The following DLGAP1 variants were observed in gnomAD, a reference collection of about 807,000 sequenced individuals.
DLGAP1 encodes the protein DLG associated protein 1, also known as disks large-associated protein 1.
Under a neutral mutation model 90.8 loss-of-function variants are expected in DLGAP1, and 11 were observed. That is an observed-to-expected ratio of 0.12 (90% CI 0.08 to 0.20). DLGAP1 has a LOEUF of 0.20. Among genes scored for constraint, DLGAP1 ranks in the 10% least tolerant of loss-of-function variants. The pLI is 1.00. For missense variants in DLGAP1, 1,050 were observed against 1,333.8 expected (o/e 0.79, Z 3.31); for synonymous variants, 558 against 540.7 (o/e 1.03, Z -0.44).
intron 3 of DLGAP1, among the ~76,000 whole-genome samples, chr18:3,916,725 C>T (rs1413749193): frequency 6.6e-6 from 1 of 152,126 alleles, no homozygotes. Flanking sequence ...AACCATTAGG[C>T]TTCACCGCCT....
At chr18:3,704,089 A>G (rs1188870282) in intron 7 of DLGAP1, among the ~76,000 whole-genome samples, 5 of 152,250 alleles carry the variant, frequency 3.3e-5, no homozygotes, top group African/African-American at 1.2e-4. Context: ...CAGAAAGGAC[A>G]CAGCAGCTGA....
At chr18:4,406,548 A>G (rs1365643245) in intron 1 of DLGAP1, among the ~76,000 whole-genome samples, 4 of 152,220 alleles carry the variant, frequency 2.6e-5, no homozygotes, top group Non-Finnish European at 5.9e-5. Flanking sequence ...TGAGGTTAAC[A>G]GAGGTTTGTG....
At chr18:3,635,958 G>C (rs2058699698) in intron 7 of DLGAP1, among the ~76,000 whole-genome samples, 1 of 151,378 alleles carries the variant, frequency 6.6e-6, no homozygotes, top group South Asian at 2.1e-4. Flanking sequence ...TCATTCACTG[G>C]CTTAAAGATC....
At chr18:4,299,097 A>AC (rs2080060829) in intron 1 of DLGAP1, among the ~76,000 whole-genome samples, 1 of 151,458 alleles carries the variant, frequency 6.6e-6, no homozygotes, top group South Asian at 2.1e-4. Flanking sequence ...AAAAAAAAAA[A>AC]AAAAAAAAAA....
At chr18:4,321,535 C>T (rs780062617) in intron 1 of DLGAP1, among the ~76,000 whole-genome samples, 20 of 152,170 alleles carry the variant, frequency 1.3e-4, no homozygotes, top group Non-Finnish European at 2.8e-4. Flanking sequence ...CCCCACAGAT[C>T]CTATTCACAT....
At chr18:4,369,534 C>A (rs1183166981) in intron 1 of DLGAP1, among the ~76,000 whole-genome samples, 1 of 151,850 alleles carries the variant, frequency 6.6e-6, no homozygotes, top group Non-Finnish European at 1.5e-5. Context: ...ATCTAAGGAC[C>A]TTGTCTTATT....
In DLGAP1 at chr18:3,535,433, C is replaced by T. The variant is rs1022783820; in HGVS notation, c.2058-818G>A. Among the ~76,000 whole-genome samples the T allele has an allele frequency of 7.9e-5, 12 of 152,236 alleles. No individual in the cohort carries two copies. In the Middle Eastern group the frequency reaches 0.01, roughly 129 times the overall value. On this transcript the variant is annotated intron_variant, in intron 9 of 12. Coordinates refer to ENST00000315677, the MANE Select transcript of DLGAP1 (RefSeq NM_004746.4). ...TTAGAAATAGGGAAAAAGGGCCGGG[C>T]GTGGTGGCTCACGCCCGTAATCCCA...
intron 10 of DLGAP1, among the ~76,000 whole-genome samples, chr18:3,510,331 CA>C (rs1232875252): frequency 1.3e-5 from 2 of 152,216 alleles, no homozygotes; most frequent in African/African-American, 4.8e-5. Context: ...GTTGGATTTA[CA>C]GTAAGTACTT....
At chr18:4,318,387 T>G (rs1024998950) in intron 1 of DLGAP1, among the ~76,000 whole-genome samples, 7 of 152,204 alleles carry the variant, frequency 4.6e-5, no homozygotes, top group Non-Finnish European at 7.3e-5. Context: ...ACCATGAAGC[T>G]GCCCTGCTTG....
At chr18:3,764,510 C>A (rs1038474629) in intron 5 of DLGAP1, among the ~76,000 whole-genome samples, 57 of 152,208 alleles carry the variant, frequency 3.7e-4, no homozygotes, top group Non-Finnish European at 1.5e-4. Context: ...CAGTCACATT[C>A]CTGTGATGTA....
intron 5 of DLGAP1, among the ~76,000 whole-genome samples, chr18:3,802,225 C>T (rs1031254809): frequency 2.0e-5 from 3 of 152,034 alleles, no homozygotes; most frequent in South Asian, 2.1e-4. Flanking sequence ...CTTTGTGATC[C>T]GCCCGCCTCG....
chr18:4,373,119 C>T (rs2081950410), intron 1 of DLGAP1, among the ~76,000 whole-genome samples: 1 of 151,976 alleles, frequency 6.6e-6, no homozygotes, highest in Non-Finnish European at 1.5e-5. Context: ...CAGTGGGCAG[C>T]CACTGAGTAC....
In DLGAP1 at chr18:4,346,705, C is replaced by A. The variant is rs149628858; in HGVS notation, c.-267+108301G>T. ...TATAGTAAAGTTTAGAGTCAGTTGG[C>A]TAATTTTCACAAAACCATCGTTTGT... On this transcript the variant is annotated intron_variant, in intron 1 of 12. Transcript: ENST00000315677. Among the ~76,000 whole-genome samples, 870 of 152,246 alleles carry A rather than the reference C, an allele frequency of 5.7e-3. 11 individuals are homozygous for A. Among genetic ancestry groups the A allele is most frequent in the African/African-American group, 0.02 (820 of 41,540 alleles).
intron 7 of DLGAP1, among the ~76,000 whole-genome samples, chr18:3,586,822 G>C (rs1449577098): frequency 6.6e-6 from 1 of 152,122 alleles, no homozygotes; most frequent in Admixed American, 6.5e-5. Context: ...TTTGTTTGTT[G>C]GTTGGTTGGT....
chr18:4,108,994 C>G (rs146908216), intron 2 of DLGAP1, among the ~76,000 whole-genome samples: 1 of 152,096 alleles, frequency 6.6e-6, no homozygotes, highest in African/African-American at 2.4e-5. Context: ...TAAGGAGACA[C>G]GAAAGAACTC....
chr18:4,163,645 A>G (rs2076884457), intron 1 of DLGAP1, among the ~76,000 whole-genome samples: 2 of 152,216 alleles, frequency 1.3e-5, no homozygotes, highest in African/African-American at 2.4e-5. Flanking sequence ...TGTTGATATA[A>G]TAATTAGCTA....
intron 1 of DLGAP1, among the ~76,000 whole-genome samples, chr18:4,415,821 C>A (rs370960850): frequency 1.0e-3 from 158 of 152,226 alleles, no homozygotes; most frequent in African/African-American, 3.7e-3. Flanking sequence ...AGGGAAGAAT[C>A]TAACACACTG....
chr18:4,082,753 A>AGTTGTGAAATTCAGGCAAGTAT (rs71160941), intron 2 of DLGAP1, among the ~76,000 whole-genome samples: 3 of 151,224 alleles, frequency 2.0e-5, no homozygotes, highest in African/African-American at 4.9e-5. Flanking sequence ...AGGTTAAGTA[A>AGTTGTGAAATTCAGGCAAGTAT]GTTGTGAAAT....
intron 4 of DLGAP1, among the ~76,000 whole-genome samples, chr18:3,863,749 C>T (rs2070224805): frequency 6.6e-6 from 1 of 152,238 alleles, no homozygotes; most frequent in Admixed American, 6.5e-5. Flanking sequence ...AGCCCCACCA[C>T]CTCTGCAGCC....
Sources: allele counts gnomAD v4.1 joint callset (sites outside exome capture counted in the v4.1 genomes callset), GRCh38; gene constraint gnomAD v4.1.1; transcripts MANE v1.5; gene names NCBI Gene and HGNC (gene_info 2026-07-23, HGNC 2026-07-21).